ABCG1: variants seen among roughly 807,000 people sequenced by gnomAD.
ABCG1 encodes the protein ATP-binding cassette sub-family G member 1.
ABCG1 carries 29 observed loss-of-function variants against 69.2 expected under a neutral mutation model. That is an observed-to-expected ratio of 0.42 (90% confidence interval 0.31 to 0.57). ABCG1 has a LOEUF of 0.57. ABCG1 is among the 20% of genes least tolerant of loss of function. The pLI, the probability that ABCG1 is intolerant of heterozygous loss-of-function variation, is 0.15. For synonymous variants in ABCG1, 370 were observed against 374.8 expected (o/e 0.99, Z 0.15); for missense variants, 718 against 898.1 (o/e 0.80, Z 2.56).
At chr21:42,256,841 A>G (rs764009541) in intron 2 of ABCG1, among the ~76,000 whole-genome samples, 4 of 152,252 alleles carry the variant, frequency 2.6e-5, no homozygotes, top group Admixed American at 6.5e-5. Context: ...TCCAGGACCC[A>G]GTCAGGATTC....
chr21:42,220,427 A>T (rs543213113), intron 1 of ABCG1, among the ~76,000 whole-genome samples: 1 of 152,306 alleles, frequency 6.6e-6, no homozygotes, highest in South Asian at 2.1e-4. Flanking sequence ...AAGAGAAAAA[A>T]AAAAAATAGC....
intron 2 of ABCG1, among the ~76,000 whole-genome samples, chr21:42,207,630 G>A (rs1598482): frequency 0.026 from 3,925 of 152,250 alleles, 165 homozygotes; most frequent in African/African-American, 0.088. Flanking sequence ...GGGAGGGGAC[G>A]GGGGCACGGC....
rs1261323191 is a variant in ABCG1, at chr21:42,270,835, C to T, written c.287-235C>T. On this transcript the variant is annotated intron_variant, in intron 2 of 14. Transcript: ENST00000398449. ...GGAAAGTGCTTTGTGAGCTCTAAAG[C>T]ATTACACACGTGCTGGTAATTATTA... Among the ~76,000 whole-genome samples, 4 of 152,188 alleles carry T rather than the reference C, an allele frequency of 2.6e-5. No individual in the cohort carries two copies. In the East Asian group the frequency reaches 5.8e-4, roughly 22 times the overall value.
Position 42,219,356 on chromosome 21 carries a change from G to A in ABCG1, c.42+52G>A. 6.4e-7 allele frequency: 1 copy of A among 1,571,068 alleles called. No individual in the cohort carries two copies. Among genetic ancestry groups the A allele is most frequent in the Non-Finnish European group, 8.6e-7 (1 of 1,163,802 alleles). On this transcript the variant is annotated intron_variant, in intron 1 of 14. Coordinates refer to ENST00000398449, the MANE Select transcript of ABCG1 (RefSeq NM_016818.3). The surrounding 1 kb of genome is among the most constrained non-coding windows in gnomAD (Gnocchi z 5.3). ...GGGAACGGTTTTATTTTCAAGGAGA[G>A]CAGGAAACACACAAAGACTCGCAAG...
intron 2 of ABCG1, chr21:42,256,009 C>G (rs1243010894): frequency 4.2e-6 from 2 of 479,330 alleles, no homozygotes; most frequent in African/African-American, 2.0e-5. Context: ...GCCAGGGAGC[C>G]CCTAGAGCAG....
At chr21:42,264,090 G>A (rs573013283) in intron 2 of ABCG1, among the ~76,000 whole-genome samples, 21 of 152,310 alleles carry the variant, frequency 1.4e-4, no homozygotes, top group African/African-American at 4.8e-4. Flanking sequence ...AGAAGAAGAC[G>A]TGCGTCACAT....
At chr21:42,202,013 T>A (rs1055612328) in intron 2 of ABCG1, among the ~76,000 whole-genome samples, 7 of 152,186 alleles carry the variant, frequency 4.6e-5, no homozygotes. Flanking sequence ...GCTGTGGTTC[T>A]CCTGGTCCAT....
intron 5 of ABCG1, among the ~76,000 whole-genome samples, chr21:42,279,307 G>A (rs1327662470): frequency 6.6e-6 from 1 of 152,158 alleles, no homozygotes; most frequent in Non-Finnish European, 1.5e-5. Flanking sequence ...CCAAAATAAG[G>A]CCCAAGGACA....
chr21:42,272,817 C>T (rs1428992831), intron 3 of ABCG1, among the ~76,000 whole-genome samples: 1 of 152,242 alleles, frequency 6.6e-6, no homozygotes, highest in Non-Finnish European at 1.5e-5. Context: ...CTGAGCTGGT[C>T]CGGGCCCCAG....
At position 42,276,637 on chromosome 21, in the gene ABCG1, C is replaced by T; in HGVS notation, c.538-258C>T. 1 of 455,146 alleles carries T rather than the reference C, an allele frequency of 2.2e-6. No homozygotes were observed. The allele number at this position is 455,146 out of a possible 1,614,324, so 28.2% of individuals were successfully genotyped here. ...GGCACCGTGGCTAGCTGCATGGTGGCTAGTTGCACCGTGGCTAGTGGCCTT... is the reference window on the plus strand; with the variant it reads ...GGCACCGTGGCTAGCTGCATGGTGGTTAGTTGCACCGTGGCTAGTGGCCTT... On this transcript the variant is annotated intron_variant, in intron 4 of 14. Coordinates refer to ENST00000398449, the MANE Select transcript of ABCG1 (RefSeq NM_016818.3). The surrounding 1 kb of genome is among the most constrained non-coding windows in gnomAD (Gnocchi z 5.3).
At position 42,284,335 on chromosome 21, in the gene ABCG1, G is replaced by A. The variant is rs138173512; in HGVS notation, c.735-225G>A. On this transcript the variant is annotated intron_variant, in intron 6 of 14. Transcript: ENST00000398449. ...CAGCAAGGCTCGCTGGGGTCCCTCC[G>A]TTCTTACCAGGAATAAAATGCAACA... Among the ~76,000 whole-genome samples, 12 of 151,716 alleles carry A rather than the reference G, an allele frequency of 7.9e-5. No individual in the cohort carries two copies. The East Asian group carries it at 1.7e-3, about 22-fold the overall frequency.
At chr21:42,252,817 C>T (rs1291391766) in intron 2 of ABCG1, among the ~76,000 whole-genome samples, 2 of 152,160 alleles carry the variant, frequency 1.3e-5, no homozygotes, top group African/African-American at 2.4e-5. Context: ...TTTTAACCCC[C>T]ATTGGCAGCA....
At chr21:42,224,052 G>T (rs957500010) in intron 1 of ABCG1, among the ~76,000 whole-genome samples, 1 of 152,198 alleles carries the variant, frequency 6.6e-6, no homozygotes, top group African/African-American at 2.4e-5. Flanking sequence ...CGGGGGTCAC[G>T]TGGCAGAGCC....
rs374037200 is a variant in ABCG1 at position 42,219,275 on chromosome 21, A to T, written c.13A>T (p.Met5Leu). Residue 5 changes from methionine (M) to leucine (L), a missense_variant, in exon 1 of 15, where the codon ATG becomes TTG. By Grantham distance (15) the Met-to-Leu change is conservative (BLOSUM62 2). Coordinates refer to ENST00000398449, the MANE Select transcript of ABCG1 (RefSeq NM_016818.3). The surrounding 1 kb of genome is among the most constrained non-coding windows in gnomAD (Gnocchi z 5.3). ...CCGCCCCCGGGGCATGGCCTGTCTG[A>T]TGGCCGCTTTCTCGGTCGGCACCGC... MACLMAAFSVGTAMN... is the reference protein window; with the variant it reads MACLLAAFSVGTAMN... 4.7e-5 allele frequency: 75 copies of T among 1,587,070 alleles called. No homozygotes were observed. Among genetic ancestry groups the T allele is most frequent in the Non-Finnish European group, 6.3e-5 (74 of 1,172,452 alleles).
intron 8 of ABCG1, 184 bp downstream of exon 8, chr21:42,286,178 A>G (rs1165496346): frequency 1.8e-6 from 1 of 561,088 alleles, no homozygotes; most frequent in East Asian, 3.1e-5. Flanking sequence ...GACTCTAGGT[A>G]AAATCATCTG....
intron 2 of ABCG1, chr21:42,260,252 AG>A: frequency 6.6e-7 from 1 of 1,514,856 alleles, no homozygotes. Flanking sequence ...AAGCATTTCT[AG>A]GACCCAGCTT....
Position 42,285,741 on chromosome 21 carries a change from G to C in ABCG1, c.859-139G>C, listed in dbSNP as rs73364621. On this transcript the variant is annotated intron_variant, in intron 7 of 14. Transcript: ENST00000398449. ...ATAGGGCCCTTGGGGGTGATGTAAA[G>C]CTCTCAGGAGAGGAAGTGGCTGATC... 2.2e-3 allele frequency: 1,519 copies of C among 686,314 alleles called. 21 individuals carry two copies. The African/African-American group carries it at 0.023, about 10-fold the overall frequency. The allele number at this position is 686,314 out of a possible 1,614,324, so 42.5% of individuals were successfully genotyped here.
At chr21:42,216,952 G>A (rs1203470916), upstream of ABCG1, among the ~76,000 whole-genome samples, 2 of 152,186 alleles carry the variant, frequency 1.3e-5, no homozygotes, top group Admixed American at 6.5e-5. Flanking sequence ...AGACAGATAA[G>A]TGAGGACCCT....
chr21:42,203,586 T>C (rs941563265), intron 2 of ABCG1, among the ~76,000 whole-genome samples: 2 of 152,374 alleles, frequency 1.3e-5, no homozygotes, highest in South Asian at 4.1e-4. Context: ...ATTCTGGGTT[T>C]TCCATTCTGT....
Sources: gnomAD v4.1 joint callset for allele counts (sites outside exome capture counted in the v4.1 genomes callset) on GRCh38, gnomAD v4.1.1 for gene constraint, Gnocchi (gnomAD v3.1) non-coding constraint, MANE v1.5 for transcripts, NCBI Gene and HGNC (gene_info 2026-07-23, HGNC 2026-07-21) for gene names.